PTPRN2: variants seen among roughly 807,000 people sequenced by gnomAD.
PTPRN2 encodes the protein protein tyrosine phosphatase receptor type N2, also known as receptor-type tyrosine-protein phosphatase N2.
In PTPRN2, 74 loss-of-function variants were observed where a neutral mutation model predicts 118.8. The ratio of observed to expected loss-of-function variants is 0.62; its 90% confidence interval spans 0.52 to 0.76. The LOEUF (loss-of-function observed/expected upper bound fraction) is 0.76, where lower values mean the gene tolerates loss of function less well. Ranked by LOEUF, PTPRN2 falls within the 30% of genes least tolerant of loss-of-function variation. The pLI, the probability that PTPRN2 is intolerant of heterozygous loss-of-function variation, is 0.00. For synonymous variants in PTPRN2, 641 were observed against 608.0 expected (o/e 1.05, Z -0.80); for missense variants, 1,481 against 1,394.4 (o/e 1.06, Z -0.99).
At chr7:158,150,874 C>A (rs75053497) in intron 6 of PTPRN2, among the ~76,000 whole-genome samples, 4 of 152,032 alleles carry the variant, frequency 2.6e-5, no homozygotes, top group Admixed American at 6.6e-5. Flanking sequence ...TCCAACCCAA[C>A]GTGCTGGTGG....
intron 1 of PTPRN2, among the ~76,000 whole-genome samples, chr7:158,557,589 C>T (rs755933999): frequency 2.0e-5 from 3 of 152,244 alleles, no homozygotes; most frequent in Non-Finnish European, 4.4e-5. Flanking sequence ...TTCCTCACCT[C>T]TCTCTCTGAA....
chr7:157,755,089 T>C (rs1801701124), intron 12 of PTPRN2, among the ~76,000 whole-genome samples: 1 of 152,216 alleles, frequency 6.6e-6, no homozygotes, highest in African/African-American at 2.4e-5. Flanking sequence ...TTTCTCCATG[T>C]TGCCCAGGCT....
chr7:158,257,922 T>G, intron 3 of PTPRN2, among the ~76,000 whole-genome samples: 1 of 152,222 alleles, frequency 6.6e-6, no homozygotes, highest in Admixed American at 6.5e-5. Context: ...GCTCTTCCTC[T>G]GAGCGCTGCC....
chr7:158,303,474 T>C (rs923800929), intron 3 of PTPRN2, among the ~76,000 whole-genome samples: 9 of 152,224 alleles, frequency 5.9e-5, no homozygotes, highest in African/African-American at 2.2e-4. Flanking sequence ...AGTATTCCCT[T>C]CTCCATTATT....
chr7:158,117,472 A>G (rs1816820725), intron 9 of PTPRN2, among the ~76,000 whole-genome samples: 1 of 152,218 alleles, frequency 6.6e-6, no homozygotes, highest in South Asian at 2.1e-4. Flanking sequence ...ATTGTGCCCA[A>G]AAGAAAAAAA....
chr7:158,138,267 T>G (rs1585575125), intron 7 of PTPRN2, 27 bp downstream of exon 7: 1 of 1,599,818 alleles, frequency 6.3e-7, no homozygotes, highest in South Asian at 1.1e-5. Flanking sequence ...CACCCCTGGG[T>G]GTGGGCACCC....
At chr7:158,124,446 A>G (rs1049510508) in intron 9 of PTPRN2, among the ~76,000 whole-genome samples, 6 of 152,384 alleles carry the variant, frequency 3.9e-5, no homozygotes, top group African/African-American at 1.4e-4. Context: ...AAATTCTCCA[A>G]TGGGCAGAAC....
At position 157,987,885 on chromosome 7, in the gene PTPRN2, C is replaced by T. The variant is rs1241183563; in HGVS notation, c.1724-89148G>A. ...TCACTGATGCCCCCAGCTCTCCCCA[C>T]ACCTGCCATTCCCCACGTTAATGCA... On this transcript the variant is annotated intron_variant, in intron 11 of 22. Coordinates refer to ENST00000389418, the MANE Select transcript of PTPRN2 (RefSeq NM_002847.5). This position sits in a 1 kb window ranked among gnomAD's most constrained non-coding sequence, Gnocchi z 4.3. Among the ~76,000 whole-genome samples, 1 of 151,300 alleles carries T rather than the reference C, an allele frequency of 6.6e-6. No individual in the cohort carries two copies. Among genetic ancestry groups the T allele is most frequent in the Non-Finnish European group, 1.5e-5 (1 of 67,754 alleles).
At chr7:158,541,686 A>T in intron 1 of PTPRN2, 3 of 1,295,726 alleles carry the variant, frequency 2.3e-6, no homozygotes, top group Non-Finnish European at 2.0e-6. Context: ...TCTGTTGAAG[A>T]CTTAGCTAAG....
In PTPRN2 at chr7:157,713,439, C is replaced by T. The variant is rs113329865; in HGVS notation, c.1789-30502G>A. Among the ~76,000 whole-genome samples the T allele has an allele frequency of 2.0e-3, 308 of 152,196 alleles. 3 individuals are homozygous for T. The highest frequency in any genetic ancestry group is 7.0e-3 in the African/African-American group (289 of 41,518). ...TGTACGTAGGTAGAAATTTATCTAA[C>T]GGCATGATCGTTCCAAGTCTCTATC... is the stretch of plus-strand genomic sequence containing the variant. On this transcript the variant is annotated intron_variant, in intron 12 of 22. Coordinates refer to ENST00000389418, the MANE Select transcript of PTPRN2 (RefSeq NM_002847.5).
At chr7:158,452,977 A>T (rs1168679775) in intron 2 of PTPRN2, among the ~76,000 whole-genome samples, 1 of 152,224 alleles carries the variant, frequency 6.6e-6, no homozygotes, top group Non-Finnish European at 1.5e-5. Context: ...CACCCCGAGG[A>T]TCCACCCATC....
chr7:157,643,595 A>G (rs1277536708), intron 14 of PTPRN2, among the ~76,000 whole-genome samples: 1 of 152,182 alleles, frequency 6.6e-6, no homozygotes, highest in Non-Finnish European at 1.5e-5. Flanking sequence ...CATCCCAGGG[A>G]AATCCAGAAC....
chr7:157,686,402 C>T (rs1797195989), intron 12 of PTPRN2, among the ~76,000 whole-genome samples: 1 of 152,160 alleles, frequency 6.6e-6, no homozygotes, highest in Non-Finnish European at 1.5e-5. Context: ...TTTACAATGA[C>T]TTGACTCCCT....
rs1384924317 is a variant in PTPRN2 at position 158,320,089 on chromosome 7, ACACT to A, written c.164-3161_164-3158del. ...CACACACACACAGCCTCCCTCACACACACTCACATAGTCTCCCTCACACACACAC... is the reference window on the plus strand; with the variant it reads ...CACACACACACAGCCTCCCTCACACACACATAGTCTCCCTCACACACACAC... On this transcript the variant is annotated intron_variant, in intron 2 of 22. Coordinates refer to ENST00000389418, the MANE Select transcript of PTPRN2 (RefSeq NM_002847.5). Among the ~76,000 whole-genome samples the A allele has an allele frequency of 5.7e-4, 39 of 68,834 alleles. 3 individuals carry two copies. The highest frequency in any genetic ancestry group is 1.9e-3 in the African/African-American group (34 of 17,742). 45.2% of individuals were successfully genotyped at this position (68,834 alleles called of 152,430 possible). A position where few individuals can be genotyped will look rare whatever the true frequency, so the allele number is the denominator to read the frequency against.
intron 11 of PTPRN2, among the ~76,000 whole-genome samples, chr7:158,078,704 A>G (rs1404343195): frequency 6.6e-6 from 1 of 152,232 alleles, no homozygotes; most frequent in Non-Finnish European, 1.5e-5. Context: ...TCCCAAGGCC[A>G]ATGGGCGAGT....
intron 12 of PTPRN2, among the ~76,000 whole-genome samples, chr7:157,725,208 GCGGCCAGACCCTCGCCTCCCAGGAGAAC>G (rs1799466985): frequency 7.0e-6 from 1 of 142,242 alleles, no homozygotes; most frequent in African/African-American, 2.7e-5. Flanking sequence ...GCAGAGGACT[GCGGCCAGACCCTCGCCTCCCAGGAGAAC>G]TGGATATCCA....
At chr7:157,842,446 G>A (rs867301437) in intron 12 of PTPRN2, among the ~76,000 whole-genome samples, 41 of 128,390 alleles carry the variant, frequency 3.2e-4, no homozygotes, top group Admixed American at 4.0e-4. Context: ...ACGGTGTCTC[G>A]CTCTGTCACC....
intron 14 of PTPRN2, among the ~76,000 whole-genome samples, chr7:157,626,317 C>G (rs181378888): frequency 4.6e-5 from 7 of 152,276 alleles, no homozygotes; most frequent in Admixed American, 3.9e-4. Flanking sequence ...TAGCATTGTC[C>G]TTTTTCTGAA....
intron 6 of PTPRN2, among the ~76,000 whole-genome samples, chr7:158,154,736 T>C (rs1821543494): frequency 7.3e-6 from 1 of 137,324 alleles, no homozygotes; most frequent in Non-Finnish European, 1.6e-5. Context: ...TTATCATTAA[T>C]GAAAAATAAC....
Sources: gnomAD v4.1 joint callset for allele counts (sites outside exome capture counted in the v4.1 genomes callset) on GRCh38, gnomAD v4.1.1 for gene constraint, Gnocchi (gnomAD v3.1) non-coding constraint, MANE v1.5 for transcripts, NCBI Gene and HGNC (gene_info 2026-07-23, HGNC 2026-07-21) for gene names.